Variants in GATAD2A observed in about 807,000 individuals in gnomAD.
GATAD2A encodes the protein transcriptional repressor p66-alpha.
A neutral mutation model predicts 68.5 loss-of-function variants in GATAD2A; 12 were observed. That is an observed-to-expected ratio of 0.18 (90% CI 0.11 to 0.28). The LOEUF (loss-of-function observed/expected upper bound fraction) is 0.28, where lower values mean the gene tolerates loss of function less well. Ranked by LOEUF, GATAD2A falls within the 10% of genes least tolerant of loss-of-function variation. The probability of loss-of-function intolerance (pLI) is 1.00; values close to 1 mark genes in which losing one functional copy is unlikely to be tolerated. For missense variants in GATAD2A, 755 were observed against 868.5 expected (o/e 0.87, Z 1.64); for synonymous variants, 410 against 375.3 (o/e 1.09, Z -1.07).
At chr19:19,456,518 C>T (rs1052747662) in intron 1 of GATAD2A, among the ~76,000 whole-genome samples, 17 of 152,188 alleles carry the variant, frequency 1.1e-4, no homozygotes, top group Admixed American at 3.3e-4. Context: ...TCCTATCTTA[C>T]GTCATAGATG....
At position 19,501,994 on chromosome 19, in the gene GATAD2A, C is replaced by T. The variant is rs377752473; in HGVS notation, c.1529C>T (p.Ala510Val). 5.6e-6 allele frequency: 9 copies of T among 1,613,750 alleles called. No homozygotes were observed. The highest frequency in any genetic ancestry group is 2.2e-5 in the South Asian group (2 of 91,092). Residue 510 changes from alanine to valine, a missense_variant, in exon 10 of 12, where the codon GCG becomes GTG. Ala to Val is a moderately conservative substitution (Grantham distance 64, BLOSUM62 0). Transcript: ENST00000683918. ...KQVIKPRRKLAFRSGEARDWS... is the reference protein window; with the variant it reads ...KQVIKPRRKLVFRSGEARDWS... Reference sequence around the variant, plus strand: ...GTCATAAAACCCCGGCGTAAGTTGGCGTTCCGCTCAGGAGAGGCCCGCGAC... The same window carrying T: ...GTCATAAAACCCCGGCGTAAGTTGGTGTTCCGCTCAGGAGAGGCCCGCGAC...
At chr19:19,474,021 G>C (rs1475348853) in intron 2 of GATAD2A, 1 of 984,066 alleles carries the variant, frequency 1.0e-6, no homozygotes, top group Non-Finnish European at 1.2e-6. Context: ...ATGTGATATT[G>C]CTTCTTCCTA....
chr19:19,485,496 C>A (rs1228755721), intron 2 of GATAD2A, among the ~76,000 whole-genome samples: 2 of 152,174 alleles, frequency 1.3e-5, no homozygotes, highest in African/African-American at 4.8e-5. Flanking sequence ...CCATCTCCCC[C>A]ACTATAGCGG....
At chr19:19,487,453 G>T (rs568065939) in intron 2 of GATAD2A, among the ~76,000 whole-genome samples, 19 of 151,762 alleles carry the variant, frequency 1.3e-4, no homozygotes, top group African/African-American at 4.4e-4. Flanking sequence ...GTGGGGTGCC[G>T]TGCAGGGAGC....
At chr19:19,411,624 A>G (rs1239439815) in intron 1 of GATAD2A, among the ~76,000 whole-genome samples, 1 of 152,154 alleles carries the variant, frequency 6.6e-6, no homozygotes, top group African/African-American at 2.4e-5. Flanking sequence ...GACGATATGC[A>G]GTTTACCACT....
At chr19:19,505,307 G>A (rs377460084) in intron 11 of GATAD2A, 37 bp from the exon 12 acceptor site, 47 of 1,608,048 alleles carry the variant, frequency 2.9e-5, no homozygotes, top group South Asian at 2.8e-4. Context: ...CCCTCCTGAC[G>A]AGGGCCTTCT....
In GATAD2A at chr19:19,498,546, G is replaced by C. The variant is rs1381403246; in HGVS notation, c.1028G>C (p.Ser343Thr). ...SVVTSAESPASRQAAAKLALR... is the reference protein window; with the variant it reads ...SVVTSAESPATRQAAAKLALR... ...GTCACCTCTGCCGAGTCTCCAGCAAGCCGACAGGCGGCCGCCAAGCTGGCG... is the reference window on the plus strand; with the variant it reads ...GTCACCTCTGCCGAGTCTCCAGCAACCCGACAGGCGGCCGCCAAGCTGGCG... The change falls in exon 8 of 12, where the codon AGC becomes ACC. Residue 343 changes from serine to threonine, a missense_variant. Transcript: ENST00000683918. The C allele has an allele frequency of 1.9e-6, 3 of 1,613,952 alleles. No homozygotes were observed. The highest frequency in any genetic ancestry group is 3.3e-5 in the Admixed American group (2 of 60,030).
chr19:19,501,161 C>T lies in GATAD2A; in HGVS notation c.1248C>T (p.Tyr416=). The stretch of plus-strand genomic sequence containing the variant: ...CCACTGTGCTGTCCCGGGAGCCCTA[C>T]ATGTGTGCACAGTGCAAGACGGACT... The part of the protein sequence containing the change: ...SAATVLSREP[Y]MCAQCKTDFT... The change falls in exon 9 of 12, where the codon TAC becomes TAT. Residue 416 remains tyrosine (Y), a synonymous_variant. Coordinates refer to ENST00000683918, the MANE Select transcript of GATAD2A (RefSeq NM_001384528.1). The T allele has an allele frequency of 1.2e-6, 2 of 1,613,502 alleles. No individual in the cohort carries two copies.
At chr19:19,427,639 C>T (rs564669351) in intron 1 of GATAD2A, 19 of 153,916 alleles carry the variant, frequency 1.2e-4, no homozygotes, top group Non-Finnish European at 2.3e-4. Flanking sequence ...TCTCTGTTCC[C>T]GTGCATTGCT....
At chr19:19,504,915 G>A (rs551871882) in intron 11 of GATAD2A, among the ~76,000 whole-genome samples, 1 of 152,226 alleles carries the variant, frequency 6.6e-6, no homozygotes, top group Admixed American at 6.5e-5. Context: ...AAAGTGCTGG[G>A]ATTCTAGGCT....
At position 19,501,343 on chromosome 19, in the gene GATAD2A, T is replaced by C. The variant is rs1473865201; in HGVS notation, c.1430T>C (p.Leu477Pro). The change falls in exon 9 of 12, where the codon CTC becomes CCC. Residue 477 changes from leucine to proline, a missense_variant. Coordinates refer to ENST00000683918, the MANE Select transcript of GATAD2A (RefSeq NM_001384528.1). The part of the protein sequence containing the change: ...LQQEQEIEQR[L>P]LQQGTAPAQA... ...CAGGAACAGGAGATTGAGCAGCGGC[T>C]CCTGCAGCAGGGCACGGCCCCTGCA... The C allele has an allele frequency of 6.2e-7, 1 of 1,612,410 alleles. No individual in the cohort carries two copies. The highest frequency in any genetic ancestry group is 8.5e-7 in the Non-Finnish European group (1 of 1,179,754).
intron 2 of GATAD2A, among the ~76,000 whole-genome samples, chr19:19,486,649 T>A (rs2059451778): frequency 6.6e-6 from 1 of 152,154 alleles, no homozygotes; most frequent in South Asian, 2.1e-4. Context: ...CAAACCTCTC[T>A]CTCCATTCTA....
At position 19,498,706 on chromosome 19, in the gene GATAD2A, C is replaced by G; in HGVS notation, c.1188C>G (p.Asn396Lys). The part of the protein sequence containing the change: ...YLVGLEEVVQ[N>K]LLETQAGRMS... ...TCGGCCTGGAGGAGGTGGTGCAGAA[C>G]CTACTGGAGACACAAGGTGAGTGGC... Residue 396 changes from asparagine to lysine, a missense_variant, in exon 8 of 12, where the codon AAC becomes AAG. Transcript: ENST00000683918. 1 of 1,609,832 alleles carries G rather than the reference C, an allele frequency of 6.2e-7. No homozygotes were observed. The highest frequency in any genetic ancestry group is 8.5e-7 in the Non-Finnish European group (1 of 1,177,160).
chr19:19,501,177 A>G lies in GATAD2A; in HGVS notation c.1264A>G (p.Lys422Glu). 1.9e-6 allele frequency: 3 copies of G among 1,613,510 alleles called. No individual in the cohort carries two copies. The highest frequency in any genetic ancestry group is 2.5e-6 in the Non-Finnish European group (3 of 1,179,988). ...SREPYMCAQC[K>E]TDFTCRWREE... ...GGAGCCCTACATGTGTGCACAGTGCAAGACGGACTTCACGTGCCGCTGGCG... is the reference window on the plus strand; with the variant it reads ...GGAGCCCTACATGTGTGCACAGTGCGAGACGGACTTCACGTGCCGCTGGCG... The change falls in exon 9 of 12, where the codon AAG becomes GAG. Residue 422 changes from lysine (K) to glutamate (E), a missense_variant. Transcript: ENST00000683918.
chr19:19,420,990 GT>G (rs1354324309), intron 1 of GATAD2A, among the ~76,000 whole-genome samples: 2 of 152,192 alleles, frequency 1.3e-5, no homozygotes, highest in African/African-American at 2.4e-5. Flanking sequence ...TGTCCCCAAA[GT>G]TTTCAGAAGT....
At chr19:19,426,974 C>T (rs1397632546) in intron 1 of GATAD2A, among the ~76,000 whole-genome samples, 3 of 152,228 alleles carry the variant, frequency 2.0e-5, no homozygotes, top group South Asian at 4.2e-4. Flanking sequence ...TTTCTGTACA[C>T]GCTTTGGCAT....
Position 19,461,240 on chromosome 19 carries a change from A to G in GATAD2A, c.-6-4100A>G, listed in dbSNP as rs576833803. 8.0e-4 allele frequency among the ~76,000 whole-genome samples: 122 copies of G among 152,260 alleles called. 1 individual carries two copies. Among genetic ancestry groups the G allele is most frequent in the African/African-American group, 2.9e-3 (120 of 41,548 alleles). ...TCCTGTCTGAAATAAGGGTGTTACTATGGGTATGTTAGTGATGGGTGCCAC... is the reference window on the plus strand; with the variant it reads ...TCCTGTCTGAAATAAGGGTGTTACTGTGGGTATGTTAGTGATGGGTGCCAC... On this transcript the variant is annotated intron_variant, in intron 1 of 11. Transcript: ENST00000683918.
intron 1 of GATAD2A, chr19:19,440,083 C>T (rs1238994332): frequency 2.7e-6 from 1 of 376,894 alleles, no homozygotes; most frequent in Admixed American, 3.4e-5. Context: ...GGTGCCTGAG[C>T]CCCTGAGTGA....
At chr19:19,409,608 A>G (rs1419754589) in intron 1 of GATAD2A, among the ~76,000 whole-genome samples, 1 of 152,206 alleles carries the variant, frequency 6.6e-6, no homozygotes, top group Admixed American at 6.5e-5. Context: ...CTTAAGTGCT[A>G]ACTGTGCAAA....
Sources: allele counts gnomAD v4.1 joint callset (sites outside exome capture counted in the v4.1 genomes callset), GRCh38; gene constraint gnomAD v4.1.1; transcripts MANE v1.5; gene names NCBI Gene and HGNC (gene_info 2026-07-23, HGNC 2026-07-21).